PPM1E: variants seen among roughly 807,000 people sequenced by gnomAD.
PPM1E encodes the protein protein phosphatase, Mg2+/Mn2+ dependent 1E, also known as protein phosphatase 1E.
Under a neutral mutation model 65.9 loss-of-function variants are expected in PPM1E, and 20 were observed. That is an observed-to-expected ratio of 0.30 (90% CI 0.21 to 0.44). The LOEUF is 0.44. Among genes scored for constraint, PPM1E ranks in the 20% least tolerant of loss-of-function variants. PPM1E has a pLI of 1.00. For synonymous variants in PPM1E, 352 were observed against 374.9 expected, an observed-to-expected ratio of 0.94 and a Z score of 0.70; for missense variants, 713 against 953.1, an observed-to-expected ratio of 0.75 and a Z score of 3.32.
chr17:58,769,537 G>T (rs912465420), intron 1 of PPM1E, among the ~76,000 whole-genome samples: 5 of 152,138 alleles, frequency 3.3e-5, no homozygotes, highest in Admixed American at 6.6e-5. Flanking sequence ...GCTGCCCTGA[G>T]CCCGGGAGGC....
Position 58,814,328 on chromosome 17 carries a change from A to G in PPM1E, c.464+57867A>G, listed in dbSNP as rs183708149. 7.2e-5 allele frequency among the ~76,000 whole-genome samples: 11 copies of G among 152,350 alleles called. No individual in the cohort carries two copies. In the East Asian group the frequency reaches 9.6e-4, roughly 13 times the overall value. ...AAGGATAAAGGAGAACATAAGGTCA[A>G]ACTATCAGTGTTTAATATTTACTCT... On this transcript the variant is annotated intron_variant, in intron 1 of 6. Coordinates refer to ENST00000308249, the MANE Select transcript of PPM1E (RefSeq NM_014906.5).
chr17:58,959,559 A>AC (rs1233179970), intron 2 of PPM1E, among the ~76,000 whole-genome samples: 1 of 148,930 alleles, frequency 6.7e-6, no homozygotes, highest in African/African-American at 2.5e-5. Flanking sequence ...AGATCACGCC[A>AC]CTGTACTCTA....
intron 4 of PPM1E, among the ~76,000 whole-genome samples, chr17:58,970,078 A>T (rs1214018477): frequency 6.6e-6 from 1 of 152,208 alleles, no homozygotes; most frequent in Non-Finnish European, 1.5e-5. Flanking sequence ...CAAGATCTGG[A>T]TATGGTGAAT....
intron 1 of PPM1E, among the ~76,000 whole-genome samples, chr17:58,916,271 G>T (rs1328309023): frequency 6.6e-6 from 1 of 152,158 alleles, no homozygotes; most frequent in African/African-American, 2.4e-5. Flanking sequence ...TGTACATAAA[G>T]ACAATGTCTA....
chr17:58,984,466 C>G lies in PPM1E; in HGVS notation c.*3435C>G, dbSNP rs2031607568. On this transcript the variant is annotated 3_prime_UTR_variant, in exon 7 of 7. Coordinates refer to ENST00000308249, the MANE Select transcript of PPM1E (RefSeq NM_014906.5). ...CTAAATTATTGTTTTAATTTTTAAA[C>G]CTAATTTATTCACTCAGTGAACATT... The G allele has an allele frequency of 1.3e-5, 2 of 152,604 alleles. No homozygotes were observed. The highest frequency in any genetic ancestry group is 4.1e-4 in the South Asian group (2 of 4,832). The allele number at this position is 152,604 out of a possible 1,614,324, so 9.5% of individuals were successfully genotyped here.
intron 1 of PPM1E, among the ~76,000 whole-genome samples, chr17:58,759,383 G>T (rs2049801440): frequency 6.6e-6 from 1 of 152,188 alleles, no homozygotes; most frequent in Non-Finnish European, 1.5e-5. Context: ...AAAGGTGGAG[G>T]TGAGAGATTT....
chr17:58,965,115 T>C (rs190404945), intron 2 of PPM1E, among the ~76,000 whole-genome samples: 1 of 151,790 alleles, frequency 6.6e-6, no homozygotes, highest in East Asian at 1.9e-4. Context: ...GATGATCATT[T>C]ATAGGAGAAA....
At chr17:58,908,557 A>T (rs2051586409) in intron 1 of PPM1E, among the ~76,000 whole-genome samples, 1 of 151,782 alleles carries the variant, frequency 6.6e-6, no homozygotes, top group African/African-American at 2.4e-5. Flanking sequence ...CTCCTGCCTC[A>T]GCCTTCTGAA....
At chr17:58,940,521 TG>T (rs2052050213) in intron 1 of PPM1E, among the ~76,000 whole-genome samples, 1 of 152,220 alleles carries the variant, frequency 6.6e-6, no homozygotes, top group Non-Finnish European at 1.5e-5. Context: ...ATATTAACTG[TG>T]ACTAAAAATG....
At chr17:58,895,173 C>T (rs991829737) in intron 1 of PPM1E, among the ~76,000 whole-genome samples, 3 of 152,150 alleles carry the variant, frequency 2.0e-5, no homozygotes, top group African/African-American at 7.2e-5. Context: ...CCATATAAGA[C>T]AGCGAACTTA....
chr17:58,786,665 A>T (rs1206367090), intron 1 of PPM1E, among the ~76,000 whole-genome samples: 2 of 152,206 alleles, frequency 1.3e-5, no homozygotes, highest in African/African-American at 2.4e-5. Context: ...TTTGGATTGC[A>T]GTTGACCATG....
intron 1 of PPM1E, among the ~76,000 whole-genome samples, chr17:58,782,192 A>G (rs1048461270): frequency 6.6e-6 from 1 of 152,170 alleles, no homozygotes; most frequent in Non-Finnish European, 1.5e-5. Context: ...CCACATACAC[A>G]TATTGTCTAC....
At chr17:58,853,780 G>A (rs1010867135) in intron 1 of PPM1E, among the ~76,000 whole-genome samples, 3 of 152,098 alleles carry the variant, frequency 2.0e-5, no homozygotes, top group African/African-American at 4.8e-5. Flanking sequence ...GCAGTGAGCC[G>A]AAATTGCACC....
intron 3 of PPM1E, chr17:58,966,720 G>A (rs1290799523): frequency 6.5e-6 from 1 of 153,262 alleles, no homozygotes; most frequent in Non-Finnish European, 1.5e-5. Context: ...TTATGTTAAT[G>A]CAAACAAGTA....
intron 1 of PPM1E, among the ~76,000 whole-genome samples, chr17:58,770,235 G>A (rs957889622): frequency 6.6e-6 from 1 of 152,080 alleles, no homozygotes; most frequent in Non-Finnish European, 1.5e-5. Flanking sequence ...TTCAGAAGCA[G>A]AATTCCATTT....
intron 1 of PPM1E, among the ~76,000 whole-genome samples, chr17:58,759,450 A>AT (rs1362561806): frequency 6.6e-6 from 1 of 152,254 alleles, no homozygotes; most frequent in Non-Finnish European, 1.5e-5. Context: ...AGATGTGAAT[A>AT]TAAGGCTATC....
At chr17:58,837,260 TAAA>T (rs57058929) in intron 1 of PPM1E, among the ~76,000 whole-genome samples, 96 of 66,270 alleles carry the variant, frequency 1.4e-3, no homozygotes, top group African/African-American at 6.1e-3. Flanking sequence ...TTAAAAAAAT[TAAA>T]AAAAAAAAAA....
At chr17:58,812,444 A>T (rs1446209897) in intron 1 of PPM1E, among the ~76,000 whole-genome samples, 1 of 152,284 alleles carries the variant, frequency 6.6e-6, no homozygotes, top group South Asian at 2.1e-4. Context: ...AAGTCGTTGC[A>T]CATCATTTTA....
At chr17:58,888,345 CT>C (rs1282526110) in intron 1 of PPM1E, among the ~76,000 whole-genome samples, 9 of 145,936 alleles carry the variant, frequency 6.2e-5, no homozygotes, top group Non-Finnish European at 1.3e-4. Context: ...GTCTTGTTCC[CT>C]TTTGGACTCT....
Sources: gnomAD v4.1 joint callset for allele counts (sites outside exome capture counted in the v4.1 genomes callset) on GRCh38, gnomAD v4.1.1 for gene constraint, MANE v1.5 for transcripts, NCBI Gene and HGNC (gene_info 2026-07-23, HGNC 2026-07-21) for gene names.